Variants in SLC10A7 observed in about 807,000 individuals in gnomAD.
SLC10A7 encodes the protein solute carrier family 10 member 7, also known as sodium/bile acid cotransporter 7.
Under a neutral mutation model 43.2 loss-of-function variants are expected in SLC10A7, and 29 were observed. The observed-to-expected ratio is 0.67, with a 90% confidence interval of 0.50 to 0.92. The LOEUF (loss-of-function observed/expected upper bound fraction) is 0.92. Ranked by LOEUF, SLC10A7 falls within the 40% of genes least tolerant of loss-of-function variation. SLC10A7 has a pLI of 0.00. For missense variants in SLC10A7, 295 were observed against 403.2 expected, an observed-to-expected ratio of 0.73 and a Z score of 2.30; for synonymous variants, 152 against 144.8, an observed-to-expected ratio of 1.05 and a Z score of -0.35.
At chr4:146,516,498 A>ATGTG (rs1738008399) in intron 2 of SLC10A7, among the ~76,000 whole-genome samples, 3 of 149,414 alleles carry the variant, frequency 2.0e-5, no homozygotes, top group African/African-American at 7.4e-5. Context: ...ACACATATAC[A>ATGTG]TATACACATA....
At chr4:146,340,698 T>C (rs957724318) in intron 5 of SLC10A7, among the ~76,000 whole-genome samples, 1 of 151,924 alleles carries the variant, frequency 6.6e-6, no homozygotes, top group African/African-American at 2.4e-5. Flanking sequence ...CCCAATAAAA[T>C]TACTTCTAGA....
chr4:146,284,630 A>T (rs1729767826), intron 9 of SLC10A7, among the ~76,000 whole-genome samples: 2 of 152,176 alleles, frequency 1.3e-5, no homozygotes, highest in Non-Finnish European at 2.9e-5. Flanking sequence ...TTGGTGTCTC[A>T]CTTCAGTTGA....
chr4:146,356,228 G>A (rs745626641), intron 5 of SLC10A7, among the ~76,000 whole-genome samples: 2 of 151,864 alleles, frequency 1.3e-5, no homozygotes, highest in African/African-American at 4.8e-5. Flanking sequence ...TTTACTATGA[G>A]TTTATAACTT....
chr4:146,307,519 C>G (rs949661395), intron 6 of SLC10A7, among the ~76,000 whole-genome samples: 1 of 152,138 alleles, frequency 6.6e-6, no homozygotes, highest in Non-Finnish European at 1.5e-5. Flanking sequence ...AGGTGCTTAA[C>G]AAATACATTC....
At chr4:146,521,509 C>G in intron 1 of SLC10A7, 109 bp downstream of exon 1, 1 of 845,334 alleles carries the variant, frequency 1.2e-6, no homozygotes, top group South Asian at 1.7e-5. Flanking sequence ...GGTCAGTGCC[C>G]CCTGAAATTG....
intron 4 of SLC10A7, among the ~76,000 whole-genome samples, chr4:146,492,421 G>A (rs527249978): frequency 1.3e-5 from 2 of 152,000 alleles, no homozygotes; most frequent in Admixed American, 1.3e-4. Flanking sequence ...AGGCTGGAGT[G>A]TGTTGCCAGA....
At chr4:146,327,246 A>C (rs1275790138) in intron 5 of SLC10A7, among the ~76,000 whole-genome samples, 1 of 152,212 alleles carries the variant, frequency 6.6e-6, no homozygotes, top group Non-Finnish European at 1.5e-5. Context: ...TTATTAAATA[A>C]TAGAATGAAC....
chr4:146,464,692 T>C (rs1732848272), intron 4 of SLC10A7, among the ~76,000 whole-genome samples: 1 of 151,842 alleles, frequency 6.6e-6, no homozygotes, highest in Admixed American at 6.6e-5. Flanking sequence ...TTTTATGATA[T>C]TAGAAAAAGA....
intron 5 of SLC10A7, among the ~76,000 whole-genome samples, chr4:146,371,052 C>T (rs994138359): frequency 8.5e-5 from 13 of 152,172 alleles, no homozygotes; most frequent in Admixed American, 8.5e-4. Context: ...ATTATATGTA[C>T]AGCACTTTTT....
intron 4 of SLC10A7, among the ~76,000 whole-genome samples, chr4:146,468,473 A>ATTTTTTTTTTTTTT (rs368637891): frequency 1.4e-5 from 2 of 143,582 alleles, no homozygotes; most frequent in East Asian, 4.2e-4. Context: ...TTATATTTTA[A>ATTTTTTTTTTTTTT]TTTTTTTTTT....
intron 3 of SLC10A7, among the ~76,000 whole-genome samples, chr4:146,507,032 T>C (rs1469488047): frequency 1.3e-5 from 2 of 152,200 alleles, no homozygotes. Flanking sequence ...TGTGAAATCA[T>C]TACCACAATC....
At chr4:146,400,064 T>C (rs1293883000) in intron 5 of SLC10A7, among the ~76,000 whole-genome samples, 3 of 151,942 alleles carry the variant, frequency 2.0e-5, no homozygotes, top group African/African-American at 7.3e-5. Context: ...ACAGAACCTA[T>C]GTAGGGAATT....
chr4:146,429,983 C>CA (rs1411963911), intron 5 of SLC10A7, among the ~76,000 whole-genome samples: 2 of 151,380 alleles, frequency 1.3e-5, no homozygotes, highest in Non-Finnish European at 2.9e-5. Flanking sequence ...CTGAACTATA[C>CA]AAAAAAAATC....
intron 4 of SLC10A7, among the ~76,000 whole-genome samples, chr4:146,491,999 C>T (rs889122508): frequency 2.6e-5 from 4 of 151,998 alleles, no homozygotes; most frequent in Non-Finnish European, 4.4e-5. Flanking sequence ...GGGCGGATCA[C>T]GAGGTTAGGA....
intron 5 of SLC10A7, among the ~76,000 whole-genome samples, chr4:146,374,344 T>C (rs1737008557): frequency 6.6e-6 from 1 of 152,066 alleles, no homozygotes; most frequent in Non-Finnish European, 1.5e-5. Flanking sequence ...ATCCTAGCAC[T>C]TTGGGAGGCC....
intron 4 of SLC10A7, among the ~76,000 whole-genome samples, chr4:146,494,852 A>G (rs1407817711): frequency 6.6e-6 from 1 of 152,128 alleles, no homozygotes; most frequent in Non-Finnish European, 1.5e-5. Context: ...AATGAAGACA[A>G]TTTGCTGGGC....
At chr4:146,491,845 T>A (rs993976528) in intron 4 of SLC10A7, among the ~76,000 whole-genome samples, 7 of 152,174 alleles carry the variant, frequency 4.6e-5, no homozygotes, top group Admixed American at 4.6e-4. Flanking sequence ...TTTGTTTGGA[T>A]CCAGGTGTTC....
chr4:146,262,121 A>C (rs900265261), intron 10 of SLC10A7, among the ~76,000 whole-genome samples: 1 of 152,086 alleles, frequency 6.6e-6, no homozygotes, highest in African/African-American at 2.4e-5. Context: ...TTCTAAATCT[A>C]TTTATCTCAA....
chr4:146,302,242 C>T (rs2111235671), intron 7 of SLC10A7, among the ~76,000 whole-genome samples: 1 of 152,306 alleles, frequency 6.6e-6, no homozygotes, highest in South Asian at 2.1e-4. Context: ...ATATAATCCA[C>T]AGTTTAAACT....
Sources: gnomAD v4.1 joint callset for allele counts (sites outside exome capture counted in the v4.1 genomes callset) on GRCh38, gnomAD v4.1.1 for gene constraint, MANE v1.5 for transcripts, NCBI Gene and HGNC (gene_info 2026-07-23, HGNC 2026-07-21) for gene names.